The following RBFOX1 variants were observed in gnomAD, a reference collection of about 807,000 sequenced individuals.
RBFOX1 encodes the protein RNA binding protein fox-1 homolog 1.
In RBFOX1, 8 loss-of-function variants were observed where a neutral mutation model predicts 57.7. That is an observed-to-expected ratio of 0.14 (90% CI 0.08 to 0.25). The LOEUF is 0.25. Among genes scored for constraint, RBFOX1 ranks in the 10% least tolerant of loss-of-function variants. The pLI is 1.00. For synonymous variants in RBFOX1, 326 were observed against 222.4 expected, an observed-to-expected ratio of 1.47 and a Z score of -4.15; for missense variants, 611 against 548.5, an observed-to-expected ratio of 1.11 and a Z score of -1.14.
At chr16:5,520,788 G>T (rs973570500) in intron 2 of RBFOX1, among the ~76,000 whole-genome samples, 4 of 152,218 alleles carry the variant, frequency 2.6e-5, no homozygotes, top group African/African-American at 9.6e-5. Flanking sequence ...TGTGAGCAGA[G>T]ATGACAGTTT....
intron 4 of RBFOX1, among the ~76,000 whole-genome samples, chr16:5,953,364 A>T (rs1487110449): frequency 1.3e-5 from 2 of 151,828 alleles, no homozygotes; most frequent in Non-Finnish European, 2.9e-5. Flanking sequence ...GGGACAGGTT[A>T]TTTGGGGACA....
At chr16:6,560,657 C>G (rs2097168577) in intron 2 of RBFOX1, among the ~76,000 whole-genome samples, 1 of 152,142 alleles carries the variant, frequency 6.6e-6, no homozygotes, top group African/African-American at 2.4e-5. Flanking sequence ...AAAATAGGGT[C>G]TTGACTTACA....
At chr16:7,308,860 T>C in intron 4 of RBFOX1, among the ~76,000 whole-genome samples, 1 of 152,202 alleles carries the variant, frequency 6.6e-6, no homozygotes, top group East Asian at 1.9e-4. Flanking sequence ...ATTATGACTG[T>C]GTAGAAAAGT....
chr16:5,960,123 C>A (rs550798775), intron 4 of RBFOX1, among the ~76,000 whole-genome samples: 1 of 152,168 alleles, frequency 6.6e-6, no homozygotes, highest in South Asian at 2.1e-4. Flanking sequence ...ATTGCTTGAA[C>A]CCAAGTGGCG....
chr16:6,996,782 T>C (rs1318487510), intron 3 of RBFOX1, among the ~76,000 whole-genome samples: 1 of 152,162 alleles, frequency 6.6e-6, no homozygotes, highest in Admixed American at 6.5e-5. Context: ...GATTTAATTT[T>C]TTACTCATTT....
At chr16:7,009,591 C>T (rs992965217) in intron 3 of RBFOX1, among the ~76,000 whole-genome samples, 1 of 152,116 alleles carries the variant, frequency 6.6e-6, no homozygotes, top group Non-Finnish European at 1.5e-5. Context: ...ATGCCACATC[C>T]AGCTAATCCA....
At chr16:6,893,983 C>T (rs1008855572) in intron 3 of RBFOX1, among the ~76,000 whole-genome samples, 9 of 152,100 alleles carry the variant, frequency 5.9e-5, no homozygotes, top group Non-Finnish European at 1.0e-4. Context: ...CTTCTAATAT[C>T]CCAAAGACAG....
intron 4 of RBFOX1, among the ~76,000 whole-genome samples, chr16:7,095,739 G>A (rs1285777827): frequency 6.6e-6 from 1 of 152,116 alleles, no homozygotes; most frequent in Non-Finnish European, 1.5e-5. Flanking sequence ...AAGAAAATAT[G>A]GAGCTGGGCA....
chr16:5,240,234 C>T (rs924087708), intron 1 of RBFOX1: 40 of 675,578 alleles, frequency 5.9e-5, no homozygotes, highest in African/African-American at 5.1e-4. Context: ...GCAACTCCGG[C>T]GGGCGCGGAG....
intron 14 of RBFOX1, among the ~76,000 whole-genome samples, chr16:7,689,740 G>C (rs973882983): frequency 6.6e-6 from 1 of 152,120 alleles, no homozygotes; most frequent in East Asian, 1.9e-4. Context: ...CCCAAGCAAG[G>C]ATGATCTTGA....
chr16:6,837,470 G>A (rs2093182136), intron 3 of RBFOX1, among the ~76,000 whole-genome samples: 1 of 152,188 alleles, frequency 6.6e-6, no homozygotes. Context: ...CTCAGAAGGT[G>A]ATGAGAACTA....
At chr16:6,721,172 G>A (rs1480457084) in intron 3 of RBFOX1, among the ~76,000 whole-genome samples, 4 of 152,222 alleles carry the variant, frequency 2.6e-5, no homozygotes, top group Non-Finnish European at 5.9e-5. Context: ...GCCGGGCACG[G>A]TGGCTCACTC....
At chr16:7,021,333 T>G (rs1193108883) in intron 3 of RBFOX1, among the ~76,000 whole-genome samples, 1 of 148,162 alleles carries the variant, frequency 6.7e-6, no homozygotes, top group East Asian at 1.9e-4. Context: ...TTTTAATATT[T>G]AAAAACATTT....
intron 3 of RBFOX1, among the ~76,000 whole-genome samples, chr16:5,725,707 G>A (rs1209288206): frequency 1.3e-5 from 2 of 151,854 alleles, no homozygotes; most frequent in African/African-American, 4.8e-5. Context: ...CTGGCATGGG[G>A]GAAATCCACT....
chr16:5,528,057 T>A (rs2151026760), intron 2 of RBFOX1, among the ~76,000 whole-genome samples: 1 of 152,274 alleles, frequency 6.6e-6, no homozygotes, highest in South Asian at 2.1e-4. Context: ...TTCAAACACC[T>A]ATTTACTGCA....
intron 15 of RBFOX1, chr16:7,709,619 T>A (rs1434011856): frequency 2.0e-6 from 3 of 1,531,752 alleles, no homozygotes; most frequent in Non-Finnish European, 2.6e-6. Flanking sequence ...TTTAAAGTCA[T>A]AGTCGCCCAG....
intron 1 of RBFOX1, among the ~76,000 whole-genome samples, chr16:6,256,736 C>T (rs1050075551): frequency 1.3e-5 from 2 of 152,088 alleles, no homozygotes; most frequent in Admixed American, 6.6e-5. Flanking sequence ...CCAGCAGTGT[C>T]TTCCTCTCCC....
intron 2 of RBFOX1, among the ~76,000 whole-genome samples, chr16:6,534,580 T>A (rs2096709788): frequency 6.6e-6 from 1 of 152,140 alleles, no homozygotes; most frequent in Admixed American, 6.5e-5. Context: ...TCACCAAATG[T>A]TTAGTAAATA....
intron 4 of RBFOX1, among the ~76,000 whole-genome samples, chr16:7,232,367 T>C (rs1388420842): frequency 6.6e-6 from 1 of 152,136 alleles, no homozygotes; most frequent in Non-Finnish European, 1.5e-5. Flanking sequence ...TTTTATAAAA[T>C]GGGCAAAAGA....
Sources: gnomAD v4.1 joint callset for allele counts (sites outside exome capture counted in the v4.1 genomes callset) on GRCh38, gnomAD v4.1.1 for gene constraint, MANE v1.5 for transcripts, NCBI Gene and HGNC (gene_info 2026-07-23, HGNC 2026-07-21) for gene names.